Variants in ARHGEF28 observed in about 807,000 individuals in gnomAD.
The protein encoded by ARHGEF28 is Rho guanine nucleotide exchange factor 28, also known as 190 kDa guanine nucleotide exchange factor.
Under a neutral mutation model 206.6 loss-of-function variants are expected in ARHGEF28, and 152 were observed. That is an observed-to-expected ratio of 0.74 (90% CI 0.64 to 0.84). The LOEUF (loss-of-function observed/expected upper bound fraction) is 0.84, where lower values mean the gene tolerates loss of function less well. ARHGEF28 is among the 40% of genes least tolerant of loss of function. ARHGEF28 has a pLI of 0.00. For synonymous variants in ARHGEF28, 763 were observed against 776.4 expected (o/e 0.98, Z 0.29); for missense variants, 2,028 against 2,073.2 (o/e 0.98, Z 0.42).
At chr5:73,751,097 A>G (rs1469448303) in intron 3 of ARHGEF28, among the ~76,000 whole-genome samples, 2 of 152,218 alleles carry the variant, frequency 1.3e-5, no homozygotes, top group African/African-American at 4.8e-5. Flanking sequence ...CATCGTTAAA[A>G]GAAAGAAAAG....
intron 7 of ARHGEF28, among the ~76,000 whole-genome samples, chr5:73,786,056 CAAAA>C (rs61560155): frequency 1.3e-5 from 1 of 76,452 alleles, no homozygotes; most frequent in Admixed American, 1.4e-4. Context: ...TGGCAGTAAC[CAAAA>C]AAAAAAAAAA....
At chr5:73,827,205 T>C (rs966523576) in intron 9 of ARHGEF28, among the ~76,000 whole-genome samples, 7 of 152,316 alleles carry the variant, frequency 4.6e-5, no homozygotes, top group Admixed American at 2.0e-4. Context: ...GATAGATTTT[T>C]CAAAATTTCT....
chr5:73,882,371 T>C, intron 22 of ARHGEF28, 101 bp from the exon 23 acceptor site: 1 of 849,974 alleles, frequency 1.2e-6, no homozygotes. Context: ...ATTTATTTTT[T>C]ATTTGCAAAT....
rs569936901 is a variant in ARHGEF28, at chr5:73,653,291, A to T, written c.-12+26969A>T. On this transcript the variant is annotated intron_variant, in intron 1 of 35. Transcript: ENST00000513042. ...TTTTCAGGTTACATATACAAAATTAAATTATTTTGGAATGAGTTCAAAGCA... is the reference window on the plus strand; with the variant it reads ...TTTTCAGGTTACATATACAAAATTATATTATTTTGGAATGAGTTCAAAGCA... 2.0e-5 allele frequency among the ~76,000 whole-genome samples: 3 copies of T among 152,302 alleles called. No individual in the cohort carries two copies. In the South Asian group the frequency reaches 6.2e-4, roughly 32 times the overall value.
intron 35 of ARHGEF28, among the ~76,000 whole-genome samples, chr5:73,921,242 T>C (rs113221436): frequency 8.5e-5 from 13 of 152,320 alleles, no homozygotes; most frequent in African/African-American, 3.1e-4. Context: ...GGTTGAATCT[T>C]AAGAAATAGA....
intron 1 of ARHGEF28, among the ~76,000 whole-genome samples, chr5:73,627,652 C>G (rs1743090020): frequency 6.6e-6 from 1 of 152,088 alleles, no homozygotes; most frequent in Admixed American, 6.6e-5. Context: ...ATGGCAAAAC[C>G]CTTTGGAATT....
chr5:73,783,370 GTGTGTGTGTGTGTGTA>G (rs1554063117), intron 7 of ARHGEF28, among the ~76,000 whole-genome samples: 8 of 128,180 alleles, frequency 6.2e-5, no homozygotes, highest in Non-Finnish European at 1.5e-4. Context: ...GTGTGTGTGT[GTGTGTGTGTGTGTGTA>G]TGTGTGTGTG....
chr5:73,655,328 GT>G (rs34130193), intron 1 of ARHGEF28, among the ~76,000 whole-genome samples: 68,870 of 152,030 alleles, frequency 0.45, 16,853 homozygotes, highest in East Asian at 0.79. Context: ...CTTCTTGGTA[GT>G]TTTTAATGAT....
intron 26 of ARHGEF28, among the ~76,000 whole-genome samples, chr5:73,890,050 A>G (rs923074321): frequency 1.6e-4 from 24 of 152,198 alleles, no homozygotes; most frequent in African/African-American, 5.5e-4. Flanking sequence ...TTGCATTACT[A>G]GTGTTTGACA....
rs371627261 is a variant in ARHGEF28, at chr5:73,894,429, A to G, written c.3695A>G (p.Tyr1232Cys). Residue 1232 changes from tyrosine (Y) to cysteine (C), a missense_variant, in exon 29 of 36, where the codon TAT (tyrosine) becomes TGT (cysteine). By Grantham distance (194) the Tyr-to-Cys change is radical (BLOSUM62 -2). Around this residue, in one of 3 missense-constraint regions of ARHGEF28, gnomAD observed 803 missense variants for 768.0 expected, o/e 1.05. Transcript: ENST00000513042. ...AACCAAGACCAACAAATTTGTGCGTATTTGGAGGAGAAGCTGCATATCTAT... is the reference window on the plus strand; with the variant it reads ...AACCAAGACCAACAAATTTGTGCGTGTTTGGAGGAGAAGCTGCATATCTAT... ...LTNQDQQICA[Y>C]LEEKLHIYAE... is the part of the protein sequence containing the mutation. The G allele has an allele frequency of 6.4e-5, 103 of 1,613,346 alleles. No individual in the cohort carries two copies. Among genetic ancestry groups the G allele is most frequent in the Middle Eastern group, 3.3e-4 (2 of 6,084 alleles).
intron 1 of ARHGEF28, among the ~76,000 whole-genome samples, chr5:73,662,769 G>A (rs1745692596): frequency 6.6e-6 from 1 of 151,964 alleles, no homozygotes; most frequent in African/African-American, 2.4e-5. Flanking sequence ...ACTTTCCTAG[G>A]GGATTACACT....
intron 35 of ARHGEF28, among the ~76,000 whole-genome samples, chr5:73,934,207 G>A (rs771079170): frequency 2.6e-5 from 4 of 152,086 alleles, no homozygotes; most frequent in Admixed American, 6.5e-5. Flanking sequence ...CATTCCCATC[G>A]CGTCATTTGA....
chr5:73,835,670 A>G (rs1408294910), intron 10 of ARHGEF28, among the ~76,000 whole-genome samples: 1 of 152,100 alleles, frequency 6.6e-6, no homozygotes, highest in Non-Finnish European at 1.5e-5. Flanking sequence ...AGGAAATGTA[A>G]GTGTTTCCCT....
intron 35 of ARHGEF28, among the ~76,000 whole-genome samples, chr5:73,920,929 A>G (rs191824348): frequency 2.3e-4 from 35 of 152,334 alleles, no homozygotes; most frequent in Admixed American, 3.3e-4. Flanking sequence ...AATAACAATT[A>G]GTCAGCTTAT....
chr5:73,731,975 G>A (rs1750646141), intron 2 of ARHGEF28, among the ~76,000 whole-genome samples: 1 of 149,710 alleles, frequency 6.7e-6, no homozygotes, highest in African/African-American at 2.5e-5. Flanking sequence ...GCCTCCCCCA[G>A]TATCCACATC....
chr5:73,804,752 C>T (rs1304765263), intron 9 of ARHGEF28, among the ~76,000 whole-genome samples: 2 of 151,872 alleles, frequency 1.3e-5, no homozygotes, highest in Non-Finnish European at 2.9e-5. Flanking sequence ...GAAGAAGACC[C>T]AAAGGTAAAG....
intron 17 of ARHGEF28, among the ~76,000 whole-genome samples, chr5:73,865,095 G>T (rs1403406700): frequency 6.6e-6 from 1 of 152,208 alleles, no homozygotes; most frequent in Admixed American, 6.5e-5. Flanking sequence ...GCTGTGGCTA[G>T]GTTAGGCTTT....
chr5:73,800,960 A>G (rs182155376), intron 9 of ARHGEF28, among the ~76,000 whole-genome samples: 2 of 152,192 alleles, frequency 1.3e-5, no homozygotes, highest in African/African-American at 4.8e-5. Flanking sequence ...GTGCAGGCCT[A>G]CATGTGCTAG....
intron 3 of ARHGEF28, among the ~76,000 whole-genome samples, chr5:73,751,538 G>C (rs1181640519): frequency 6.6e-6 from 1 of 151,968 alleles, no homozygotes; most frequent in African/African-American, 2.4e-5. Context: ...CCCTTTTCTT[G>C]GTTTTCTCCT....
Sources: gnomAD v4.1 joint callset for allele counts (sites outside exome capture counted in the v4.1 genomes callset) on GRCh38, gnomAD v4.1.1 for gene constraint, gnomAD v4.1.1 regional missense constraint, MANE v1.5 for transcripts, NCBI Gene and HGNC (gene_info 2026-07-23, HGNC 2026-07-21) for gene names.